LRRC4C: variants seen among roughly 807,000 people sequenced by gnomAD.
The protein encoded by LRRC4C is leucine rich repeat containing 4C.
In LRRC4C, 5 loss-of-function variants were observed where a neutral mutation model predicts 33.6. The observed-to-expected ratio is 0.15, with a 90% CI of 0.08 to 0.31. LRRC4C has a LOEUF of 0.31. Ranked by LOEUF, LRRC4C falls within the 10% of genes least tolerant of loss-of-function variation. The pLI is 1.00. For missense variants in LRRC4C, 560 were observed against 796.7 expected, an observed-to-expected ratio of 0.70 and a Z score of 3.58; for synonymous variants, 329 against 302.0, an observed-to-expected ratio of 1.09 and a Z score of -0.93.
chr11:41,195,260 G>T (rs561807827), intron 1 of LRRC4C, among the ~76,000 whole-genome samples: 17 of 152,108 alleles, frequency 1.1e-4, no homozygotes, highest in Admixed American at 1.1e-3. Flanking sequence ...ATTTAAATTA[G>T]TCTTGTCAGA....
chr11:40,920,001 T>C (rs566256725), intron 2 of LRRC4C, among the ~76,000 whole-genome samples: 1 of 152,260 alleles, frequency 6.6e-6, no homozygotes, highest in Admixed American at 6.5e-5. Flanking sequence ...ATAATATCCC[T>C]ACTAAGGGCT....
At chr11:40,279,454 C>T (rs1943328313) in intron 4 of LRRC4C, among the ~76,000 whole-genome samples, 1 of 152,128 alleles carries the variant, frequency 6.6e-6, no homozygotes, top group South Asian at 2.1e-4. Flanking sequence ...AAACAATCTG[C>T]CTATAATTAC....
intron 3 of LRRC4C, among the ~76,000 whole-genome samples, chr11:40,616,581 T>C (rs965065203): frequency 6.6e-6 from 1 of 151,790 alleles, no homozygotes; most frequent in African/African-American, 2.4e-5. Flanking sequence ...TATGCAGCCA[T>C]TAAAAATGAT....
intron 1 of LRRC4C, among the ~76,000 whole-genome samples, chr11:40,978,159 T>A (rs1055568242): frequency 6.6e-6 from 1 of 152,242 alleles, no homozygotes; most frequent in African/African-American, 2.4e-5. Context: ...TCTCCGTTGA[T>A]CTTCCAAATC....
intron 3 of LRRC4C, among the ~76,000 whole-genome samples, chr11:40,329,745 T>TTTC (rs1946270549): frequency 7.7e-6 from 1 of 129,218 alleles, no homozygotes; most frequent in African/African-American, 2.8e-5. Context: ...TTCTTTTTTT[T>TTTC]TTTTTTTTTT....
chr11:40,186,585 G>T (rs1002222968), intron 5 of LRRC4C, among the ~76,000 whole-genome samples: 1 of 152,126 alleles, frequency 6.6e-6, no homozygotes, highest in Non-Finnish European at 1.5e-5. Context: ...GATGTATGAC[G>T]CCTAGTCTAT....
intron 2 of LRRC4C, among the ~76,000 whole-genome samples, chr11:40,896,135 T>G (rs1452839534): frequency 6.6e-6 from 1 of 152,164 alleles, no homozygotes; most frequent in Non-Finnish European, 1.5e-5. Context: ...TTCACACGAT[T>G]GGGTCCATCA....
At chr11:40,213,218 C>A (rs1373110849) in intron 5 of LRRC4C, among the ~76,000 whole-genome samples, 2 of 152,136 alleles carry the variant, frequency 1.3e-5, no homozygotes, top group African/African-American at 4.8e-5. Context: ...ATAATGTCCA[C>A]AATCTTACCA....
intron 3 of LRRC4C, among the ~76,000 whole-genome samples, chr11:40,334,413 G>A (rs1191479835): frequency 6.6e-6 from 1 of 151,964 alleles, no homozygotes; most frequent in Non-Finnish European, 1.5e-5. Context: ...TAACTTTTGA[G>A]GACATAATAA....
intron 4 of LRRC4C, among the ~76,000 whole-genome samples, chr11:40,302,432 C>T (rs777331312): frequency 2.3e-4 from 35 of 152,116 alleles, no homozygotes; most frequent in African/African-American, 6.0e-4. Flanking sequence ...TTTCACTGCT[C>T]ATACTGTCAA....
At chr11:41,188,313 A>G (rs889248041) in intron 1 of LRRC4C, among the ~76,000 whole-genome samples, 11 of 152,114 alleles carry the variant, frequency 7.2e-5, no homozygotes, top group African/African-American at 2.4e-4. Flanking sequence ...TTGCTTTTCT[A>G]TGTCTCCTCT....
chr11:40,839,231 A>ATTTCT (rs1488719905), intron 2 of LRRC4C, among the ~76,000 whole-genome samples: 3 of 151,680 alleles, frequency 2.0e-5, no homozygotes, highest in South Asian at 2.1e-4. Context: ...CTATTTCCCT[A>ATTTCT]TTTCTTTTCT....
At chr11:40,186,717 A>T (rs1018762058) in intron 5 of LRRC4C, among the ~76,000 whole-genome samples, 2 of 152,296 alleles carry the variant, frequency 1.3e-5, no homozygotes, top group Admixed American at 6.5e-5. Flanking sequence ...GATCTCTTCG[A>T]GTCTGCACAA....
At chr11:40,386,404 A>T (rs1009499053) in intron 3 of LRRC4C, among the ~76,000 whole-genome samples, 1 of 152,148 alleles carries the variant, frequency 6.6e-6, no homozygotes, top group Non-Finnish European at 1.5e-5. Context: ...TTGATTAGAT[A>T]ATCTTCCCTG....
At chr11:40,599,174 C>A (rs1225443548) in intron 3 of LRRC4C, among the ~76,000 whole-genome samples, 1 of 152,026 alleles carries the variant, frequency 6.6e-6, no homozygotes, top group Non-Finnish European at 1.5e-5. Flanking sequence ...CATGGTCAGG[C>A]ATGGTGACTC....
At chr11:40,372,933 T>A (rs1230300185) in intron 3 of LRRC4C, among the ~76,000 whole-genome samples, 4 of 152,308 alleles carry the variant, frequency 2.6e-5, no homozygotes, top group African/African-American at 7.2e-5. Context: ...GATTTTTTTT[T>A]AATTAGAGCA....
At chr11:40,379,282 A>G (rs569613417) in intron 3 of LRRC4C, among the ~76,000 whole-genome samples, 3 of 152,052 alleles carry the variant, frequency 2.0e-5, no homozygotes, top group Non-Finnish European at 4.4e-5. Flanking sequence ...ATTATAATAT[A>G]AAATATAAAA....
chr11:40,262,621 G>A (rs1941940156), intron 4 of LRRC4C, among the ~76,000 whole-genome samples: 2 of 152,170 alleles, frequency 1.3e-5, no homozygotes, highest in South Asian at 2.1e-4. Context: ...AGAACATGTG[G>A]CACATATACA....
chr11:41,196,522 A>G (rs761532035), intron 1 of LRRC4C, among the ~76,000 whole-genome samples: 13 of 152,092 alleles, frequency 8.5e-5, no homozygotes, highest in Admixed American at 3.9e-4. Flanking sequence ...GTTCATTGTT[A>G]AATAGAAGAG....
Sources: gnomAD v4.1 joint callset for allele counts (sites outside exome capture counted in the v4.1 genomes callset) on GRCh38, gnomAD v4.1.1 for gene constraint, MANE v1.5 for transcripts, NCBI Gene and HGNC (gene_info 2026-07-23, HGNC 2026-07-21) for gene names.